The following MS4A18 variants were observed in gnomAD, a reference collection of about 807,000 sequenced individuals.
The protein encoded by MS4A18 is membrane-spanning 4-domains subfamily A member 18.
MS4A18 carries 27 observed loss-of-function variants against 13.1 expected under a neutral mutation model. The ratio of observed to expected loss-of-function variants is 2.06; its 90% confidence interval spans 1.52 to 2.84. MS4A18 has a LOEUF of 2.84. MS4A18 is among the 30% of genes most tolerant of loss of function. The pLI is 0.00. For synonymous variants in MS4A18, 126 were observed against 76.5 expected (o/e 1.65, Z -3.38); for missense variants, 307 against 196.4 (o/e 1.56, Z -3.37).
intron 2 of MS4A18, among the ~76,000 whole-genome samples, chr11:60,734,850 C>T (rs1853311782): frequency 6.6e-6 from 1 of 150,882 alleles, no homozygotes; most frequent in East Asian, 1.9e-4. Flanking sequence ...AGTGCCATCT[C>T]AGCTCACTGT....
upstream of MS4A18, among the ~76,000 whole-genome samples, chr11:60,726,715 C>T (rs1417039695): frequency 4.8e-5 from 5 of 103,206 alleles, no homozygotes; most frequent in South Asian, 1.4e-3. Flanking sequence ...ATTGGGGTAA[C>T]ACTTTTATTT....
chr11:60,733,455 C>T (rs1383111404), intron 1 of MS4A18, 79 bp from the exon 3 acceptor site: 4 of 698,524 alleles, frequency 5.7e-6, no homozygotes, highest in Non-Finnish European at 1.0e-5. Flanking sequence ...TTCTGGGGCA[C>T]AGCCAGGGTG....
At chr11:60,738,705 TTAAAA>T (rs1245195500) in intron 3 of MS4A18, among the ~76,000 whole-genome samples, 192 bp from the exon 5 acceptor site, 2 of 151,596 alleles carry the variant, frequency 1.3e-5, no homozygotes, top group African/African-American at 4.9e-5. Flanking sequence ...ACCCATGAAC[TTAAAA>T]TAAAAGTTAA....
intron 5 of MS4A18, among the ~76,000 whole-genome samples, chr11:60,742,896 G>A (rs1389801074): frequency 6.6e-6 from 1 of 152,158 alleles, no homozygotes; most frequent in African/African-American, 2.4e-5. Flanking sequence ...AAATCCAAAA[G>A]TTATTAGATG....
chr11:60,738,265 C>T (rs1019855991), intron 3 of MS4A18, among the ~76,000 whole-genome samples: 10 of 152,124 alleles, frequency 6.6e-5, no homozygotes, highest in Non-Finnish European at 1.5e-4. Context: ...CAGCACTGAG[C>T]GGCAGACCCC....
intron 2 of MS4A18, among the ~76,000 whole-genome samples, chr11:60,736,625 G>T (rs947910359): frequency 6.6e-5 from 10 of 152,122 alleles, no homozygotes; most frequent in Admixed American, 5.2e-4. Context: ...GAGGCCAAAT[G>T]AGCAATTAAT....
At chr11:60,735,487 C>A (rs1229607453) in intron 2 of MS4A18, among the ~76,000 whole-genome samples, 1 of 149,364 alleles carries the variant, frequency 6.7e-6, no homozygotes, top group Non-Finnish European at 1.5e-5. Context: ...GCGCCTGCCA[C>A]CGTGCCCGGC....
At chr11:60,737,452 G>T (rs1210506348) in intron 3 of MS4A18, among the ~76,000 whole-genome samples, 1 of 152,338 alleles carries the variant, frequency 6.6e-6, no homozygotes, top group African/African-American at 2.4e-5. Context: ...AAACGAAAAT[G>T]TGTGTGCATC....
At chr11:60,734,573 C>T (rs981732467) in intron 2 of MS4A18, among the ~76,000 whole-genome samples, 14 of 152,148 alleles carry the variant, frequency 9.2e-5, no homozygotes, top group African/African-American at 2.7e-4. Context: ...ATAAATTGAA[C>T]ACCCACATGT....
upstream of MS4A18, among the ~76,000 whole-genome samples, chr11:60,727,683 C>T (rs936074767): frequency 2.6e-5 from 4 of 152,122 alleles, no homozygotes; most frequent in Non-Finnish European, 5.9e-5. Flanking sequence ...TGGTGTCTTG[C>T]CAGTAAGGAC....
chr11:60,736,486 T>C (rs946872381), intron 2 of MS4A18, among the ~76,000 whole-genome samples: 1 of 152,084 alleles, frequency 6.6e-6, no homozygotes, highest in African/African-American at 2.4e-5. Context: ...AAGAGGACCC[T>C]CTAGCTGGGT....
chr11:60,743,693 A>G (rs1274841591), exon 6 of MS4A18: 2 of 702,916 alleles, frequency 2.8e-6, no homozygotes, highest in Admixed American at 4.0e-5. Flanking sequence ...AACCCAGCCA[A>G]TACCACCACC....
rs866805993 is a variant in MS4A18, at chr11:60,729,905, G to A, written c.477+113G>A. The A allele has an allele frequency of 1.2e-5, 7 of 604,442 alleles. No homozygotes were observed. The South Asian group carries it at 1.4e-4, about 12-fold the overall frequency. The allele number at this position is 604,442 out of a possible 1,614,324, so 37.4% of individuals were successfully genotyped here. A position where few individuals can be genotyped will look rare whatever the true frequency, so the allele number is the denominator to read the frequency against. On this transcript the variant is annotated intron_variant, in intron 1 of 5. Coordinates refer to ENST00000529108, the Ensembl canonical transcript of MS4A18. ...AAGGGGAGGTGGAGTGGGTGTGGGG[G>A]GCAGTTTCTGGAGGCTGGACCCAGT... is the stretch of plus-strand genomic sequence containing the variant.
intron 1 of MS4A18, among the ~76,000 whole-genome samples, chr11:60,731,051 G>C (rs547598460): frequency 6.6e-6 from 1 of 151,848 alleles, no homozygotes; most frequent in African/African-American, 2.4e-5. Flanking sequence ...CCGAGACAGC[G>C]CCACTGCACT....
rs530480089 is a variant in MS4A18 at position 60,729,582 on chromosome 11, CA to C, written c.268del (p.Ser90ValfsTer8). The stretch of plus-strand genomic sequence containing the variant: ...AGCGACAGTATCCAGTGGGAACAGC[CA>C]GTTTGCAGACGGTGCCTGGAGTGAT... On this transcript the variant is annotated frameshift_variant, in exon 1 of 6. Coordinates refer to ENST00000529108, the Ensembl canonical transcript of MS4A18. LOFTEE classifies it high-confidence loss of function. The C allele has an allele frequency of 1.2e-4, 82 of 702,752 alleles. No individual in the cohort carries two copies. The East Asian group carries it at 1.5e-3, about 13-fold the overall frequency. 43.5% of individuals were successfully genotyped at this position (702,752 alleles called of 1,614,324 possible). A position where few individuals can be genotyped will look rare whatever the true frequency, so the allele number is the denominator to read the frequency against.
intron 1 of MS4A18, among the ~76,000 whole-genome samples, chr11:60,731,236 T>C (rs1853249175): frequency 1.3e-5 from 2 of 152,266 alleles, no homozygotes; most frequent in African/African-American, 4.8e-5. Context: ...ACTATCATTA[T>C]TATTAATTAA....
At chr11:60,728,676 C>T (rs1434181920), upstream of MS4A18, among the ~76,000 whole-genome samples, 2 of 151,786 alleles carry the variant, frequency 1.3e-5, no homozygotes, top group Non-Finnish European at 2.9e-5. Context: ...TTCTCCTTCC[C>T]TCTCGCTCTC....
chr11:60,734,476 C>G (rs1853306551), intron 2 of MS4A18, among the ~76,000 whole-genome samples: 1 of 152,182 alleles, frequency 6.6e-6, no homozygotes, highest in African/African-American at 2.4e-5. Flanking sequence ...CCCTTCCCTG[C>G]AGTGCTGCCA....
Position 60,738,109 on chromosome 11 carries a change from C to T in MS4A18, c.649-793C>T, listed in dbSNP as rs148933007. Among the ~76,000 whole-genome samples, 319 of 152,352 alleles carry T rather than the reference C, an allele frequency of 2.1e-3. 1 individual carries two copies. The highest frequency in any genetic ancestry group is 7.1e-3 in the African/African-American group (296 of 41,582). ...TCTCAACTTCCGTTTCTACTTTATA[C>T]ATCTCACAGCTGTCCTGGCCTCAGC... is the stretch of plus-strand genomic sequence containing the variant. On this transcript the variant is annotated intron_variant, in intron 3 of 5. Coordinates refer to ENST00000529108, the Ensembl canonical transcript of MS4A18.
Sources: gnomAD v4.1 joint callset for allele counts (sites outside exome capture counted in the v4.1 genomes callset) on GRCh38, gnomAD v4.1.1 for gene constraint, MANE v1.5 for transcripts, NCBI Gene and HGNC (gene_info 2026-07-23, HGNC 2026-07-21) for gene names.